CBLB: variants seen among roughly 807,000 people sequenced by gnomAD.
The protein encoded by CBLB is E3 ubiquitin-protein ligase CBL-B.
In CBLB, 31 loss-of-function variants were observed where a neutral mutation model predicts 104.9. The ratio of observed to expected loss-of-function variants is 0.30; its 90% CI spans 0.22 to 0.40. The LOEUF is 0.40. Among genes scored for constraint, CBLB ranks in the 10% least tolerant of loss-of-function variants. The pLI is 1.00. For synonymous variants in CBLB, 440 were observed against 422.6 expected (o/e 1.04, Z -0.51); for missense variants, 1,062 against 1,214.6 (o/e 0.87, Z 1.87).
In CBLB at chr3:105,720,258, A is replaced by T. The variant is rs777710830; in HGVS notation, c.1204-8T>A. Reference sequence around the variant, plus strand: ...GCCCTGACCATCCGACTCCTAAACAAATAGAAAATGCATGGATTGGTTTTG... The same window carrying T: ...GCCCTGACCATCCGACTCCTAAACATATAGAAAATGCATGGATTGGTTTTG... On this transcript the variant is annotated splice_polypyrimidine_tract_variant and splice_region_variant and intron_variant, in intron 9 of 18. Coordinates refer to ENST00000394030, the MANE Select transcript of CBLB (RefSeq NM_170662.5). 6.2e-7 allele frequency: 1 copy of T among 1,606,728 alleles called. No homozygotes were observed. The highest frequency in any genetic ancestry group is 8.5e-7 in the Non-Finnish European group (1 of 1,175,142).
Position 105,690,578 on chromosome 3 carries a change from C to A in CBLB, c.2054+2916G>T, listed in dbSNP as rs186373696. ...GTGGCTCACGCCTGTAATCCCAGCA[C>A]TTTGGGAGTGTGAGGCGGGTGGATC... On this transcript the variant is annotated intron_variant, in intron 13 of 18. Transcript: ENST00000394030. 4.7e-4 allele frequency among the ~76,000 whole-genome samples: 71 copies of A among 152,234 alleles called. 2 individuals are homozygous for A. The East Asian group carries it at 0.011, about 24-fold the overall frequency.
intron 6 of CBLB, among the ~76,000 whole-genome samples, chr3:105,745,147 T>C (rs990050348): frequency 3.3e-5 from 5 of 152,206 alleles, no homozygotes; most frequent in Admixed American, 2.6e-4. Context: ...AGGTCTCTAA[T>C]ATCCCTACTG....
chr3:105,679,269 A>G (rs1340115280), intron 16 of CBLB, among the ~76,000 whole-genome samples: 2 of 138,990 alleles, frequency 1.4e-5, no homozygotes, highest in Admixed American at 7.8e-5. Flanking sequence ...GCATAGTTTT[A>G]TATCTACTTA....
intron 3 of CBLB, among the ~76,000 whole-genome samples, chr3:105,825,877 A>G (rs368079044): frequency 7.2e-5 from 11 of 152,308 alleles, no homozygotes; most frequent in African/African-American, 2.4e-4. Flanking sequence ...TGTACCAAAG[A>G]TCGACCCCAA....
At chr3:105,699,302 ACT>A (rs2068785534) in intron 12 of CBLB, among the ~76,000 whole-genome samples, 1 of 151,974 alleles carries the variant, frequency 6.6e-6, no homozygotes, top group South Asian at 2.1e-4. Context: ...TTATTTTGAC[ACT>A]CTATGTACAG....
At chr3:105,845,312 C>T (rs1300044972) in intron 3 of CBLB, among the ~76,000 whole-genome samples, 2 of 148,046 alleles carry the variant, frequency 1.4e-5, no homozygotes, top group African/African-American at 5.0e-5. Flanking sequence ...AATTAAAATA[C>T]TTGCAATAAG....
At chr3:105,700,426 TC>T (rs2068929568) in intron 12 of CBLB, among the ~76,000 whole-genome samples, 1 of 151,652 alleles carries the variant, frequency 6.6e-6, no homozygotes, top group Non-Finnish European at 1.5e-5. Context: ...CTAACACTCT[TC>T]CCAAGACAAG....
At chr3:105,763,467 G>A (rs1297825097) in intron 4 of CBLB, among the ~76,000 whole-genome samples, 1 of 152,166 alleles carries the variant, frequency 6.6e-6, no homozygotes, top group South Asian at 2.1e-4. Context: ...CATGGGAGTG[G>A]TTTCCCACAA....
chr3:105,843,948 C>T (rs2089900956), intron 3 of CBLB, among the ~76,000 whole-genome samples: 1 of 152,166 alleles, frequency 6.6e-6, no homozygotes, highest in Non-Finnish European at 1.5e-5. Flanking sequence ...TAAATTCTAA[C>T]CTCAATCCTA....
intron 3 of CBLB, among the ~76,000 whole-genome samples, chr3:105,816,226 A>G (rs566531491): frequency 1.2e-4 from 19 of 152,302 alleles, no homozygotes; most frequent in Admixed American, 3.9e-4. Context: ...AAAAAATTGC[A>G]TGATGTCATC....
At chr3:105,769,838 GCT>G (rs1389729445) in intron 4 of CBLB, among the ~76,000 whole-genome samples, 4 of 152,174 alleles carry the variant, frequency 2.6e-5, no homozygotes, top group Non-Finnish European at 4.4e-5. Context: ...GGAATGATTA[GCT>G]CTGCTTTTTA....
intron 14 of CBLB, 65 bp downstream of exon 14, chr3:105,685,255 A>G: frequency 7.2e-7 from 1 of 1,388,954 alleles, no homozygotes; most frequent in Non-Finnish European, 1.0e-6. Flanking sequence ...ATTGTTTAAA[A>G]ACAAACATTA....
rs540670107 is a variant in CBLB at position 105,854,390 on chromosome 3, T to C, written c.169-726A>G. On this transcript the variant is annotated intron_variant, in intron 2 of 18. Coordinates refer to ENST00000394030, the MANE Select transcript of CBLB (RefSeq NM_170662.5). ...TTCACTTCTACATGTTCATGTGATT[T>C]AGCCAAGAGTAAGTTAGTCCACCAC... is the stretch of plus-strand genomic sequence containing the variant. Among the ~76,000 whole-genome samples the C allele has an allele frequency of 4.6e-5, 7 of 152,336 alleles. No individual in the cohort carries two copies. In the East Asian group the frequency reaches 1.3e-3, roughly 29 times the overall value.
chr3:105,718,436 T>C (rs188266684), intron 10 of CBLB, among the ~76,000 whole-genome samples: 19 of 152,222 alleles, frequency 1.2e-4, no homozygotes, highest in East Asian at 7.7e-4. Flanking sequence ...GCATGGAACA[T>C]TGGAAGGGAG....
At chr3:105,827,490 G>C (rs1266567354) in intron 3 of CBLB, among the ~76,000 whole-genome samples, 13 of 147,262 alleles carry the variant, frequency 8.8e-5, no homozygotes, top group Non-Finnish European at 1.5e-5. Context: ...TTACCAGTGT[G>C]TATGTGTGTG....
chr3:105,867,911 C>A (rs2092524708), intron 1 of CBLB, among the ~76,000 whole-genome samples: 1 of 150,240 alleles, frequency 6.7e-6, no homozygotes, highest in Non-Finnish European at 1.5e-5. Flanking sequence ...AAAACTTAAA[C>A]AGGTTTCCCC....
chr3:105,794,272 G>T (rs755022219), intron 3 of CBLB, among the ~76,000 whole-genome samples: 3 of 152,050 alleles, frequency 2.0e-5, no homozygotes, highest in Non-Finnish European at 4.4e-5. Context: ...TTTAATATCG[G>T]TCTTATGTGA....
intron 3 of CBLB, among the ~76,000 whole-genome samples, chr3:105,838,249 A>ATTTT (rs55769611): frequency 8.9e-5 from 5 of 55,992 alleles, no homozygotes; most frequent in East Asian, 5.8e-4. Flanking sequence ...ACACCTGGCT[A>ATTTT]TTTTTTTTTT....
At chr3:105,783,900 G>A (rs2080620366) in intron 3 of CBLB, among the ~76,000 whole-genome samples, 1 of 152,188 alleles carries the variant, frequency 6.6e-6, no homozygotes, top group Admixed American at 6.5e-5. Context: ...TATGCATGAA[G>A]AGAAGGACTA....
Sources: gnomAD v4.1 joint callset for allele counts (sites outside exome capture counted in the v4.1 genomes callset) on GRCh38, gnomAD v4.1.1 for gene constraint, MANE v1.5 for transcripts, NCBI Gene and HGNC (gene_info 2026-07-23, HGNC 2026-07-21) for gene names.